The following ACBD3 variants were observed in gnomAD, a reference collection of about 807,000 sequenced individuals.
ACBD3 encodes Golgi resident protein GCP60.
A neutral mutation model predicts 66.9 loss-of-function variants in ACBD3; 30 were observed. The observed-to-expected ratio is 0.45, with a 90% confidence interval of 0.34 to 0.61. The LOEUF (loss-of-function observed/expected upper bound fraction) is 0.61, where lower values mean the gene tolerates loss of function less well. Among genes scored for constraint, ACBD3 ranks in the 20% least tolerant of loss-of-function variants. The pLI is 0.02. For synonymous variants in ACBD3, 278 were observed against 259.8 expected (o/e 1.07, Z -0.68); for missense variants, 544 against 664.5 (o/e 0.82, Z 1.99).
At chr1:226,172,345 A>G (rs1655849082) in intron 1 of ACBD3, among the ~76,000 whole-genome samples, 1 of 152,086 alleles carries the variant, frequency 6.6e-6, no homozygotes, top group African/African-American at 2.4e-5. Context: ...TGAACAAAAC[A>G]GTATATCCAT....
rs148868431 is a variant in ACBD3, at chr1:226,152,533, A to C, written c.1177T>G (p.Ser393Ala). Residue 393 changes from serine to alanine, a missense_variant, in exon 7 of 8, where the codon TCC (serine) becomes GCC (alanine). This residue lies in a region of ACBD3 where 383 missense variants were observed against 462.4 expected (regional missense o/e 0.83). Transcript: ENST00000366812. ...FKEKIQQDAD[S>A]VITVGRGEVV... Reference sequence around the variant, plus strand: ...TCTCCTCGGCCCACTGTAATCACGGAATCTGCATCCTGCTGAATCTTCTCT... The same window carrying C: ...TCTCCTCGGCCCACTGTAATCACGGCATCTGCATCCTGCTGAATCTTCTCT... 194 of 1,614,180 alleles carry C rather than the reference A, an allele frequency of 1.2e-4. No individual in the cohort carries two copies. The highest frequency in any genetic ancestry group is 8.3e-4 in the Middle Eastern group (5 of 6,060).
In ACBD3 at chr1:226,165,974, T is replaced by C. The variant is rs1410399242; in HGVS notation, c.313A>G (p.Thr105Ala). ...KEKDGKAFHP[T>A]YEEKLKLVAL... The stretch of plus-strand genomic sequence containing the variant: ...ACAAGCTTCAATTTTTCTTCATAAG[T>C]TGGATGAAATGCTTTGCCATCTTTT... The change falls in exon 2 of 8, where the codon ACT (threonine) becomes GCT (alanine). Residue 105 changes from threonine to alanine, a missense_variant. By Grantham distance (58) the Thr-to-Ala change is moderately conservative. Coordinates refer to ENST00000366812, the MANE Select transcript of ACBD3 (RefSeq NM_022735.4). 3.1e-6 allele frequency: 5 copies of C among 1,610,144 alleles called. No homozygotes were observed. In the Admixed American group the frequency reaches 8.5e-5, roughly 27 times the overall value.
At chr1:226,169,947 C>T (rs928174976) in intron 1 of ACBD3, among the ~76,000 whole-genome samples, 4 of 142,974 alleles carry the variant, frequency 2.8e-5, no homozygotes, top group Admixed American at 7.6e-5. Flanking sequence ...ATCGCTTGAA[C>T]GAGATGGAGG....
chr1:226,158,100 C>G (rs929429930), intron 5 of ACBD3, among the ~76,000 whole-genome samples: 1 of 152,188 alleles, frequency 6.6e-6, no homozygotes. Flanking sequence ...TCCTCCTCTT[C>G]AGGATTACAA....
chr1:226,146,863 C>T (rs1659464336), intron 7 of ACBD3, 42 bp from the exon 8 acceptor site: 1 of 1,563,952 alleles, frequency 6.4e-7, no homozygotes. Context: ...TTCAGGAAAA[C>T]CACACTTGCA....
At chr1:226,171,099 C>T (rs1231418797) in intron 1 of ACBD3, among the ~76,000 whole-genome samples, 1 of 151,356 alleles carries the variant, frequency 6.6e-6, no homozygotes, top group Non-Finnish European at 1.5e-5. Context: ...TTATTTCAAG[C>T]ATTTGATAAT....
In ACBD3 at chr1:226,164,789, CTT is replaced by C; in HGVS notation, c.567_568del (p.Arg190GlufsTer10). 1 of 1,596,240 alleles carries C rather than the reference CTT, an allele frequency of 6.3e-7. No individual in the cohort carries two copies. Among genetic ancestry groups the C allele is most frequent in the Non-Finnish European group, 8.5e-7 (1 of 1,170,266 alleles). On this transcript the variant is annotated frameshift_variant and splice_region_variant, in exon 3 of 8. Coordinates refer to ENST00000366812, the MANE Select transcript of ACBD3 (RefSeq NM_022735.4). LOFTEE classifies it high-confidence loss of function. ...AGTATTCCATGCCCTCAAACTTCAC[CTT>C]TTTTTTTCTTGCTCTTCCTTCTCTA...
chr1:226,184,766 C>T (rs1312196084), intron 1 of ACBD3, among the ~76,000 whole-genome samples: 1 of 151,390 alleles, frequency 6.6e-6, no homozygotes, highest in Non-Finnish European at 1.5e-5. Flanking sequence ...GGCATGATCT[C>T]GGCTCACTGC....
chr1:226,164,734 G>C, intron 3 of ACBD3, 55 bp downstream of exon 3: 1 of 1,498,926 alleles, frequency 6.7e-7, no homozygotes, highest in South Asian at 1.5e-5. Flanking sequence ...CAAAACAAAA[G>C]CATCAGTACA....
intron 1 of ACBD3, among the ~76,000 whole-genome samples, chr1:226,182,735 T>C (rs930181660): frequency 2.0e-5 from 3 of 152,218 alleles, no homozygotes; most frequent in African/African-American, 7.2e-5. Context: ...CTTTGACTTC[T>C]CATGGCTTTC....
chr1:226,149,529 C>CTTGTTTTTT (rs1659523103), intron 7 of ACBD3, among the ~76,000 whole-genome samples: 1 of 29,596 alleles, frequency 3.4e-5, no homozygotes, highest in African/African-American at 1.6e-4. Context: ...GCCCAGCCAT[C>CTTGTTTTTT]TTTTTTTTTT....
chr1:226,178,448 G>A (rs1392849448), intron 1 of ACBD3, among the ~76,000 whole-genome samples: 4 of 151,568 alleles, frequency 2.6e-5, no homozygotes, highest in African/African-American at 4.8e-5. Context: ...GGTGGCGGGC[G>A]CCTGTAGTCC....
At chr1:226,163,224 T>C (rs2102781468) in intron 3 of ACBD3, among the ~76,000 whole-genome samples, 1 of 152,322 alleles carries the variant, frequency 6.6e-6, no homozygotes, top group African/African-American at 2.4e-5. Flanking sequence ...TTAAAATAAT[T>C]CTATGTGGAC....
chr1:226,165,810 T>C (rs1659867028), intron 2 of ACBD3, 49 bp downstream of exon 2: 1 of 1,579,074 alleles, frequency 6.3e-7, no homozygotes. Context: ...ATTGTACCCT[T>C]TGCCAACATT....
chr1:226,169,381 G>A (rs1163374212), intron 1 of ACBD3, among the ~76,000 whole-genome samples: 1 of 151,872 alleles, frequency 6.6e-6, no homozygotes, highest in Non-Finnish European at 1.5e-5. Flanking sequence ...CCGAGTAGCT[G>A]GGACTACAAG....
chr1:226,177,134 T>C (rs1558131191), intron 1 of ACBD3, among the ~76,000 whole-genome samples: 1 of 150,772 alleles, frequency 6.6e-6, no homozygotes, highest in Non-Finnish European at 1.5e-5. Flanking sequence ...CACTGCACAA[T>C]GCGGCAGAGG....
chr1:226,184,008 G>A (rs1656235829), intron 1 of ACBD3, among the ~76,000 whole-genome samples: 2 of 151,106 alleles, frequency 1.3e-5, no homozygotes, highest in Admixed American at 6.6e-5. Context: ...TGGCTAACAC[G>A]GTGAAACCTC....
At chr1:226,173,413 A>ACC (rs1162598044) in intron 1 of ACBD3, among the ~76,000 whole-genome samples, 3 of 152,312 alleles carry the variant, frequency 2.0e-5, no homozygotes, top group East Asian at 3.9e-4. Context: ...ACACACATAC[A>ACC]CATTATCTTT....
chr1:226,150,536 G>A (rs988017253), intron 7 of ACBD3, among the ~76,000 whole-genome samples: 9 of 152,020 alleles, frequency 5.9e-5, no homozygotes, highest in Non-Finnish European at 7.4e-5. Context: ...CCACCACCAC[G>A]CTCGGCTAAT....
Sources: allele counts gnomAD v4.1 joint callset (sites outside exome capture counted in the v4.1 genomes callset), GRCh38; gene constraint gnomAD v4.1.1; regional missense constraint gnomAD v4.1.1; transcripts MANE v1.5; gene names NCBI Gene and HGNC (gene_info 2026-07-23, HGNC 2026-07-21).